Variants in PLXNA2 observed in about 807,000 individuals in gnomAD.
The protein encoded by PLXNA2 is plexin-A2.
In PLXNA2, 91 loss-of-function variants were observed where a neutral mutation model predicts 193.5. That is an observed-to-expected ratio of 0.47 (90% CI 0.40 to 0.56). The LOEUF (loss-of-function observed/expected upper bound fraction) is 0.56, where lower values mean the gene tolerates loss of function less well. Ranked by LOEUF, PLXNA2 falls within the 20% of genes least tolerant of loss-of-function variation. The pLI, the probability that PLXNA2 is intolerant of heterozygous loss-of-function variation, is 0.00. For missense variants in PLXNA2, 1,995 were observed against 2,503.2 expected, an observed-to-expected ratio of 0.80 and a Z score of 4.33; for synonymous variants, 997 against 1,027.3, an observed-to-expected ratio of 0.97 and a Z score of 0.56.
At chr1:208,085,977 CCTT>C (rs1282165832) in intron 9 of PLXNA2, among the ~76,000 whole-genome samples, 8 of 152,138 alleles carry the variant, frequency 5.3e-5, no homozygotes, top group Admixed American at 4.6e-4. Flanking sequence ...TAAATCATCA[CCTT>C]CTCTGAGAAT....
chr1:208,184,827 C>T (rs1669948217), intron 3 of PLXNA2, among the ~76,000 whole-genome samples: 1 of 152,158 alleles, frequency 6.6e-6, no homozygotes, highest in Non-Finnish European at 1.5e-5. Context: ...CTCAGTAAGC[C>T]TCAGCTGTTC....
chr1:208,186,353 T>C (rs1021193545), intron 3 of PLXNA2, among the ~76,000 whole-genome samples: 1 of 151,778 alleles, frequency 6.6e-6, no homozygotes, highest in Non-Finnish European at 1.5e-5. Context: ...AAATAGAGAA[T>C]AGAAAATGCA....
At chr1:208,230,873 T>G (rs11119016) in intron 1 of PLXNA2, among the ~76,000 whole-genome samples, 43,114 of 152,030 alleles carry the variant, frequency 0.28, 6,263 homozygotes, top group East Asian at 0.42. Flanking sequence ...CGCTCACAAT[T>G]ACACACACCA....
intron 3 of PLXNA2, among the ~76,000 whole-genome samples, chr1:208,201,442 G>C (rs1255534890): frequency 1.3e-5 from 2 of 152,212 alleles, no homozygotes; most frequent in Non-Finnish European, 2.9e-5. Flanking sequence ...AGCAGGATTA[G>C]ATTAGTTCGG....
intron 3 of PLXNA2, among the ~76,000 whole-genome samples, chr1:208,180,960 C>T (rs1669824122): frequency 6.6e-6 from 1 of 152,204 alleles, no homozygotes; most frequent in South Asian, 2.1e-4. Flanking sequence ...ATGGCGGAGG[C>T]TGACTTCTCT....
intron 12 of PLXNA2, among the ~76,000 whole-genome samples, chr1:208,061,396 T>C (rs1000427461): frequency 6.6e-6 from 1 of 152,056 alleles, no homozygotes; most frequent in African/African-American, 2.4e-5. Context: ...TCAAGAAACT[T>C]AGAGTCGAGG....
At chr1:208,186,823 C>T (rs1428513355) in intron 3 of PLXNA2, among the ~76,000 whole-genome samples, 1 of 150,954 alleles carries the variant, frequency 6.6e-6, no homozygotes, top group African/African-American at 2.5e-5. Flanking sequence ...GGGTTCACGC[C>T]ATTCTCCTGC....
chr1:208,052,372 C>T lies in PLXNA2; in HGVS notation c.2948G>A (p.Ser983Asn), dbSNP rs1665292740. ...TITGHYLGAG[S>N]SVAVYLGNQT... is the part of the protein sequence containing the mutation. ...GTTGCCCAGGTAGACTGCCACGCTG[C>T]TCCCAGCCCCAAGGTAATGGCCGGT... Residue 983 changes from serine to asparagine, a missense_variant, in exon 15 of 32, where the codon AGC (serine) becomes AAC (asparagine). Around this residue, in one of 3 missense-constraint regions of PLXNA2, gnomAD observed 1,291 missense variants for 1,673.6 expected, o/e 0.77. Coordinates refer to ENST00000367033, the MANE Select transcript of PLXNA2 (RefSeq NM_025179.4). The T allele has an allele frequency of 1.9e-6, 3 of 1,613,828 alleles. No individual in the cohort carries two copies. The highest frequency in any genetic ancestry group is 1.7e-4 in the Middle Eastern group (1 of 5,876).
intron 12 of PLXNA2, among the ~76,000 whole-genome samples, chr1:208,071,296 GCC>G (rs1483865492): frequency 1.3e-5 from 2 of 152,210 alleles, no homozygotes; most frequent in African/African-American, 4.8e-5. Context: ...GGAGGGTTCT[GCC>G]CTGAGGAGCC....
At chr1:208,199,160 G>A (rs991419030) in intron 3 of PLXNA2, among the ~76,000 whole-genome samples, 3 of 152,184 alleles carry the variant, frequency 2.0e-5, no homozygotes, top group African/African-American at 7.2e-5. Flanking sequence ...TAGCCCTGAG[G>A]CCAGAAGTGA....
At chr1:208,105,311 AGCTCAACATCAT>A (rs1439429940) in intron 4 of PLXNA2, among the ~76,000 whole-genome samples, 1 of 152,210 alleles carries the variant, frequency 6.6e-6, no homozygotes, top group Non-Finnish European at 1.5e-5. Flanking sequence ...AGCTCAGAAA[AGCTCAACATCAT>A]GCAACCGCCT....
chr1:208,040,567 G>A (rs754230832), intron 22 of PLXNA2, among the ~76,000 whole-genome samples: 2 of 152,312 alleles, frequency 1.3e-5, no homozygotes, highest in Admixed American at 6.5e-5. Context: ...TCTGCCATAC[G>A]TTGGCTGTGT....
In PLXNA2 at chr1:208,027,355, A is replaced by T; in HGVS notation, c.5590-17T>A. On this transcript the variant is annotated splice_polypyrimidine_tract_variant and intron_variant, in intron 31 of 31. Transcript: ENST00000367033. ...CCCGATGAGCTGAGGAGCAAAAACAAAGGCAGGAAGACTTCAGGACTCAGA... is the reference window on the plus strand; with the variant it reads ...CCCGATGAGCTGAGGAGCAAAAACATAGGCAGGAAGACTTCAGGACTCAGA... 1 of 1,607,140 alleles carries T rather than the reference A, an allele frequency of 6.2e-7. No homozygotes were observed. The highest frequency in any genetic ancestry group is 8.5e-7 in the Non-Finnish European group (1 of 1,176,826).
At chr1:208,040,291 T>G in intron 22 of PLXNA2, 1 of 565,144 alleles carries the variant, frequency 1.8e-6, no homozygotes, top group South Asian at 2.2e-5. Flanking sequence ...GGTTGGCCTT[T>G]TCAGCCCTGA....
At chr1:208,118,318 C>T (rs748744891) in intron 4 of PLXNA2, among the ~76,000 whole-genome samples, 1 of 152,218 alleles carries the variant, frequency 6.6e-6, no homozygotes, top group Non-Finnish European at 1.5e-5. Context: ...GTGAATAGGT[C>T]AGGCAGTCTC....
At chr1:208,237,983 T>C (rs1372711533) in intron 1 of PLXNA2, among the ~76,000 whole-genome samples, 1 of 152,230 alleles carries the variant, frequency 6.6e-6, no homozygotes, top group Non-Finnish European at 1.5e-5. Context: ...CCGCTTTCAG[T>C]GTCATCCTAT....
chr1:208,206,909 G>A (rs1670746648), intron 3 of PLXNA2, among the ~76,000 whole-genome samples: 1 of 151,424 alleles, frequency 6.6e-6, no homozygotes, highest in Non-Finnish European at 1.5e-5. Flanking sequence ...GATTACAGGT[G>A]CATGCCACCA....
At chr1:208,064,099 C>A (rs1329499912) in intron 12 of PLXNA2, among the ~76,000 whole-genome samples, 1 of 152,172 alleles carries the variant, frequency 6.6e-6, no homozygotes. Flanking sequence ...TAAGCACCTT[C>A]AACTGTTTCT....
intron 1 of PLXNA2, among the ~76,000 whole-genome samples, chr1:208,220,277 TG>T (rs1264303342): frequency 6.6e-6 from 1 of 152,170 alleles, no homozygotes; most frequent in Non-Finnish European, 1.5e-5. Flanking sequence ...ATTTGGGATT[TG>T]AGGCAAGTCA....
Sources: allele counts gnomAD v4.1 joint callset (sites outside exome capture counted in the v4.1 genomes callset), GRCh38; gene constraint gnomAD v4.1.1; regional missense constraint gnomAD v4.1.1; transcripts MANE v1.5; gene names NCBI Gene and HGNC (gene_info 2026-07-23, HGNC 2026-07-21).